ARL13B: variants seen among roughly 807,000 people sequenced by gnomAD.
ARL13B encodes ADP-ribosylation factor-like protein 13B.
ARL13B carries 36 observed loss-of-function variants against 56.1 expected under a neutral mutation model. That is an observed-to-expected ratio of 0.64 (90% CI 0.49 to 0.85). The LOEUF is 0.85. Among genes scored for constraint, ARL13B ranks in the 40% least tolerant of loss-of-function variants. ARL13B has a pLI of 0.00. For synonymous variants in ARL13B, 178 were observed against 171.1 expected (o/e 1.04, Z -0.32); for missense variants, 519 against 507.1 (o/e 1.02, Z -0.23).
intron 1 of ARL13B, chr3:93,988,634 A>T (rs1710583511): frequency 2.0e-6 from 1 of 496,826 alleles, no homozygotes; most frequent in African/African-American, 2.0e-5. Flanking sequence ...ATATGATATT[A>T]ATCAGACTTG....
intron 5 of ARL13B, among the ~76,000 whole-genome samples, chr3:94,039,499 CAAAA>C (rs11437061): frequency 3.1e-5 from 2 of 65,284 alleles, no homozygotes; most frequent in Non-Finnish European, 3.4e-5. Context: ...GACTCCGACT[CAAAA>C]AAAAAAAAAA....
At chr3:93,995,498 G>A (rs1356165450) in intron 1 of ARL13B, among the ~76,000 whole-genome samples, 1 of 152,114 alleles carries the variant, frequency 6.6e-6, no homozygotes, top group African/African-American at 2.4e-5. Flanking sequence ...AAGATAAACA[G>A]ATTGGTGATA....
intron 3 of ARL13B, among the ~76,000 whole-genome samples, chr3:94,008,053 C>T (rs763810505): frequency 1.3e-5 from 2 of 152,150 alleles, no homozygotes; most frequent in African/African-American, 4.8e-5. Flanking sequence ...ATAAAAGTAA[C>T]TGTAAAATAT....
chr3:94,011,070 C>T (rs1358880033), intron 3 of ARL13B, among the ~76,000 whole-genome samples: 1 of 151,868 alleles, frequency 6.6e-6, no homozygotes. Flanking sequence ...TCTAGCGATG[C>T]TTGATAATTG....
intron 3 of ARL13B, among the ~76,000 whole-genome samples, chr3:94,006,067 G>A (rs752421570): frequency 3.9e-5 from 6 of 152,106 alleles, no homozygotes; most frequent in Admixed American, 1.3e-4. Flanking sequence ...TTGGGAGGCC[G>A]AGGAGGGCAG....
chr3:94,035,458 T>A (rs746814148), intron 4 of ARL13B, 22 bp downstream of exon 4: 53 of 1,429,630 alleles, frequency 3.7e-5, no homozygotes, highest in Non-Finnish European at 4.2e-5. Context: ...TTTTTTTTTT[T>A]AATTTTAATT....
intron 2 of ARL13B, among the ~76,000 whole-genome samples, chr3:94,002,730 C>G (rs1054191235): frequency 6.6e-6 from 1 of 152,146 alleles, no homozygotes; most frequent in Non-Finnish European, 1.5e-5. Flanking sequence ...TAATAAAGCA[C>G]TATTTCAGTC....
intron 1 of ARL13B, among the ~76,000 whole-genome samples, chr3:93,991,490 T>C (rs1277868417): frequency 6.6e-6 from 1 of 152,154 alleles, no homozygotes; most frequent in African/African-American, 2.4e-5. Context: ...TCCTCCCACC[T>C]CAGCCTTCCG....
intron 8 of ARL13B, 119 bp from the exon 9 acceptor site, chr3:94,050,705 A>C: frequency 1.2e-6 from 1 of 807,556 alleles, no homozygotes; most frequent in South Asian, 1.6e-5. Flanking sequence ...ACTGTCATTC[A>C]ATATATTTGA....
rs2076090098 is a variant in ARL13B, at chr3:94,003,758, G to A, written c.230G>A (p.Arg77Lys). ...VTIFDLGGGIRIRGIWKNYYA... is the reference protein window; with the variant it reads ...VTIFDLGGGIKIRGIWKNYYA... ...ATCTTTGACTTGGGAGGTGGAATAA[G>A]AATTCGGGGAATCTGGAAGAATTAC... The change falls in exon 3 of 10, where the codon AGA becomes AAA. Residue 77 changes from arginine to lysine, a missense_variant. Physicochemically the swap from Arg to Lys is conservative, Grantham distance 26. Transcript: ENST00000394222. The A allele has an allele frequency of 6.2e-7, 1 of 1,613,606 alleles. No individual in the cohort carries two copies. The highest frequency in any genetic ancestry group is 1.7e-5 in the Admixed American group (1 of 59,992).
At chr3:94,011,840 T>C (rs2076229224) in intron 3 of ARL13B, among the ~76,000 whole-genome samples, 1 of 152,156 alleles carries the variant, frequency 6.6e-6, no homozygotes, top group Non-Finnish European at 1.5e-5. Context: ...TGGAAAGAAT[T>C]GCCTGTAGTG....
chr3:93,994,245 G>T (rs979889414), intron 1 of ARL13B, among the ~76,000 whole-genome samples: 1 of 152,048 alleles, frequency 6.6e-6, no homozygotes, highest in African/African-American at 2.4e-5. Flanking sequence ...GGACCTTCCT[G>T]CATTTCTGTA....
chr3:93,996,174 C>T (rs2075962403), intron 2 of ARL13B, among the ~76,000 whole-genome samples: 2 of 152,076 alleles, frequency 1.3e-5, no homozygotes, highest in South Asian at 4.1e-4. Context: ...CTCCTTGATG[C>T]CTTTGATCTG....
Position 94,055,536 on chromosome 3 carries a change from G to A in ARL13B, c.*2273G>A, listed in dbSNP as rs770774271. On this transcript the variant is annotated 3_prime_UTR_variant, in exon 10 of 10. Coordinates refer to ENST00000394222, the MANE Select transcript of ARL13B (RefSeq NM_001174150.2). ...TTAGAGGATTTGATGTCTGTCTTGC[G>A]TTAAAGCTGTTGGTCAACAGATATG... 2.2e-5 allele frequency: 10 copies of A among 453,792 alleles called. No homozygotes were observed. Among genetic ancestry groups the A allele is most frequent in the African/African-American group, 4.0e-5 (2 of 49,966 alleles). The allele number at this position is 453,792 out of a possible 1,614,324, so 28.1% of individuals were successfully genotyped here.
intron 2 of ARL13B, among the ~76,000 whole-genome samples, chr3:94,000,269 A>G (rs958752010): frequency 6.6e-6 from 1 of 152,156 alleles, no homozygotes; most frequent in Non-Finnish European, 1.5e-5. Flanking sequence ...CCATACATGT[A>G]TCAGGGTTCT....
intron 2 of ARL13B, among the ~76,000 whole-genome samples, chr3:93,999,125 A>G (rs2107404583): frequency 6.6e-6 from 1 of 151,496 alleles, no homozygotes; most frequent in South Asian, 2.1e-4. Context: ...AATTTTTTAT[A>G]GAGGTGAGTC....
chr3:93,984,676 C>T (rs1710365012), intron 1 of ARL13B, among the ~76,000 whole-genome samples: 3 of 152,064 alleles, frequency 2.0e-5, no homozygotes, highest in Admixed American at 6.6e-5. Flanking sequence ...ATTTTCTTTC[C>T]ATTTGTTATA....
chr3:94,011,809 A>C (rs560295455), intron 3 of ARL13B, among the ~76,000 whole-genome samples: 42 of 151,992 alleles, frequency 2.8e-4, no homozygotes, highest in Non-Finnish European at 5.3e-4. Flanking sequence ...ATTACTTTTT[A>C]TAGTACCTTA....
chr3:93,981,978 G>A (rs1320827515), intron 1 of ARL13B, among the ~76,000 whole-genome samples: 1 of 150,586 alleles, frequency 6.6e-6, no homozygotes, highest in East Asian at 2.0e-4. Context: ...TATCTACTAA[G>A]ACTTGAGGGT....
Sources: allele counts gnomAD v4.1 joint callset (sites outside exome capture counted in the v4.1 genomes callset), GRCh38; gene constraint gnomAD v4.1.1; transcripts MANE v1.5; gene names NCBI Gene and HGNC (gene_info 2026-07-23, HGNC 2026-07-21).